LRRIQ1: variants seen among roughly 807,000 people sequenced by gnomAD.
LRRIQ1 encodes the protein leucine rich repeats and IQ motif containing 1.
Under a neutral mutation model 211.9 loss-of-function variants are expected in LRRIQ1, and 210 were observed. The ratio of observed to expected loss-of-function variants is 0.99; its 90% confidence interval spans 0.89 to 1.11. The LOEUF is 1.11. Among genes scored for constraint, LRRIQ1 ranks in the 50% most tolerant of loss-of-function variants. The pLI, the probability that LRRIQ1 is intolerant of heterozygous loss-of-function variation, is 0.00. For missense variants in LRRIQ1, 2,136 were observed against 1,939.5 expected, an observed-to-expected ratio of 1.10 and a Z score of -1.90; for synonymous variants, 699 against 650.1, an observed-to-expected ratio of 1.08 and a Z score of -1.14.
chr12:85,175,643 A>AAC (rs1891661119), intron 24 of LRRIQ1, among the ~76,000 whole-genome samples: 1 of 152,090 alleles, frequency 6.6e-6, no homozygotes, highest in Non-Finnish European at 1.5e-5. Context: ...TTTTAGGTCT[A>AAC]ATGTTTAAGT....
chr12:85,225,919 A>G (rs1233216349), intron 24 of LRRIQ1, among the ~76,000 whole-genome samples: 1 of 152,200 alleles, frequency 6.6e-6, no homozygotes, highest in East Asian at 1.9e-4. Context: ...CTGAGACAGA[A>G]CCACTTCCTC....
At chr12:85,209,929 A>C (rs1396216713) in intron 24 of LRRIQ1, among the ~76,000 whole-genome samples, 1 of 152,148 alleles carries the variant, frequency 6.6e-6, no homozygotes, top group Non-Finnish European at 1.5e-5. Context: ...CCACTTCATC[A>C]AGAAGCCATA....
chr12:85,177,821 A>G (rs944433617), intron 24 of LRRIQ1, among the ~76,000 whole-genome samples: 3 of 152,142 alleles, frequency 2.0e-5, no homozygotes, highest in African/African-American at 4.8e-5. Flanking sequence ...AGTAAACACA[A>G]TATCAGTCAA....
intron 24 of LRRIQ1, among the ~76,000 whole-genome samples, chr12:85,227,208 G>T (rs576744378): frequency 3.9e-5 from 6 of 152,150 alleles, no homozygotes; most frequent in South Asian, 2.1e-4. Flanking sequence ...ACCTGTTGTT[G>T]CCTGACTTTT....
At chr12:85,199,138 T>TAAA (rs1893165851) in intron 24 of LRRIQ1, among the ~76,000 whole-genome samples, 1 of 152,142 alleles carries the variant, frequency 6.6e-6, no homozygotes. Flanking sequence ...TATTAAGTAT[T>TAAA]TGTTTTTGTT....
intron 24 of LRRIQ1, among the ~76,000 whole-genome samples, chr12:85,225,839 T>A (rs1218902385): frequency 6.6e-6 from 1 of 152,210 alleles, no homozygotes; most frequent in Non-Finnish European, 1.5e-5. Flanking sequence ...AAAGAAGGAC[T>A]TCTGAAGCTT....
intron 15 of LRRIQ1, among the ~76,000 whole-genome samples, chr12:85,115,943 T>A (rs939792014): frequency 6.6e-6 from 1 of 152,232 alleles, no homozygotes. Context: ...TTAATTATTC[T>A]GCATAGAAGC....
intron 15 of LRRIQ1, among the ~76,000 whole-genome samples, chr12:85,117,352 A>T (rs985379949): frequency 7.2e-5 from 11 of 152,194 alleles, no homozygotes; most frequent in African/African-American, 2.7e-4. Context: ...TTTCCCGGTG[A>T]AAAGTATGGA....
intron 11 of LRRIQ1, among the ~76,000 whole-genome samples, chr12:85,076,003 C>A (rs944023634): frequency 2.6e-5 from 4 of 151,956 alleles, no homozygotes; most frequent in Admixed American, 1.3e-4. Flanking sequence ...TTTTAAATTA[C>A]CTTATTCTTC....
intron 6 of LRRIQ1, 144 bp from the exon 7 acceptor site, chr12:85,052,033 T>C (rs1053673407): frequency 4.2e-6 from 2 of 481,230 alleles, no homozygotes; most frequent in African/African-American, 2.0e-5. Context: ...AAAGTTGTTA[T>C]CCCAGTACTA....
Position 85,055,825 on chromosome 12 carries a change from G to C in LRRIQ1, c.1032G>C (p.Arg344Ser). The C allele has an allele frequency of 1.3e-6, 2 of 1,584,388 alleles. No individual in the cohort carries two copies. Among genetic ancestry groups the C allele is most frequent in the Non-Finnish European group, 1.7e-6 (2 of 1,165,310 alleles). The change falls in exon 8 of 27, where the codon AGG becomes AGC. Residue 344 changes from arginine to serine, a missense_variant. Transcript: ENST00000393217. The stretch of plus-strand genomic sequence containing the variant: ...GAAAAAGATTAGAGGAGGAACAAAG[G>C]ATAAAAGAAGAGAGAAAAAAGCAAA... ...ENRKRLEEEQ[R>S]IKEERKKQKE...
In LRRIQ1 at chr12:85,127,828, A is replaced by G. The variant is rs190655292; in HGVS notation, c.4008-4A>G. On this transcript the variant is annotated splice_region_variant and splice_polypyrimidine_tract_variant and intron_variant, in intron 17 of 26. Coordinates refer to ENST00000393217, the MANE Select transcript of LRRIQ1 (RefSeq NM_001079910.2). ...GTGTGTGTTTTTTTTTCTCCTCTTAATAGTATGGCAGCTGTGGTAATCCAG... is the reference window on the plus strand; with the variant it reads ...GTGTGTGTTTTTTTTTCTCCTCTTAGTAGTATGGCAGCTGTGGTAATCCAG... 17 of 1,612,528 alleles carry G rather than the reference A, an allele frequency of 1.1e-5. No individual in the cohort carries two copies. In the Admixed American group the frequency reaches 1.5e-4, roughly 14 times the overall value.
intron 1 of LRRIQ1, 142 bp from the exon 2 acceptor site, chr12:85,038,011 C>T (rs1009914580): frequency 7.3e-5 from 30 of 408,784 alleles, no homozygotes; most frequent in African/African-American, 1.2e-4. Flanking sequence ...AGAGATAAAA[C>T]AATGTTTGGT....
intron 11 of LRRIQ1, among the ~76,000 whole-genome samples, chr12:85,090,249 A>T (rs1437373074): frequency 6.6e-6 from 1 of 152,236 alleles, no homozygotes; most frequent in African/African-American, 2.4e-5. Context: ...GGCAAGGCAG[A>T]GCCCTCATAG....
intron 15 of LRRIQ1, among the ~76,000 whole-genome samples, chr12:85,111,370 C>T (rs549171289): frequency 6.6e-6 from 1 of 152,208 alleles, no homozygotes; most frequent in Admixed American, 6.6e-5. Context: ...TATCACCAAA[C>T]CTACTGCACG....
At chr12:85,149,979 T>A (rs1338855503) in intron 19 of LRRIQ1, among the ~76,000 whole-genome samples, 23 of 151,842 alleles carry the variant, frequency 1.5e-4, no homozygotes. Flanking sequence ...AAGAGCACTC[T>A]ATCAACATCT....
At chr12:85,046,277 A>C (rs1337763599) in intron 5 of LRRIQ1, 140 bp downstream of exon 5, 1 of 546,188 alleles carries the variant, frequency 1.8e-6, no homozygotes, top group Non-Finnish European at 3.3e-6. Context: ...TGCCTTTGCT[A>C]TACTTATTAA....
chr12:85,113,297 T>G (rs1565841837), intron 15 of LRRIQ1, among the ~76,000 whole-genome samples: 1 of 152,146 alleles, frequency 6.6e-6, no homozygotes, highest in Non-Finnish European at 1.5e-5. Flanking sequence ...CGCAGAGAGT[T>G]TAACAGCTTG....
chr12:85,118,594 T>A (rs1447703728), intron 15 of LRRIQ1, among the ~76,000 whole-genome samples: 1 of 151,338 alleles, frequency 6.6e-6, no homozygotes, highest in Non-Finnish European at 1.5e-5. Context: ...ACTACTAAGA[T>A]TATAACTATA....
Sources: gnomAD v4.1 joint callset for allele counts (sites outside exome capture counted in the v4.1 genomes callset) on GRCh38, gnomAD v4.1.1 for gene constraint, MANE v1.5 for transcripts, NCBI Gene and HGNC (gene_info 2026-07-23, HGNC 2026-07-21) for gene names.